Variants in SLC4A11 observed in about 807,000 individuals in gnomAD.
SLC4A11 encodes the protein bicarbonate transporter related protein 1.
SLC4A11 carries 74 observed loss-of-function variants against 95.0 expected under a neutral mutation model. That is an observed-to-expected ratio of 0.78 (90% CI 0.65 to 0.95). SLC4A11 has a LOEUF of 0.95. Ranked by LOEUF, SLC4A11 falls within the 40% of genes least tolerant of loss-of-function variation. The pLI, the probability that SLC4A11 is intolerant of heterozygous loss-of-function variation, is 0.00. For synonymous variants in SLC4A11, 548 were observed against 519.0 expected, an observed-to-expected ratio of 1.06 and a Z score of -0.76; for missense variants, 1,081 against 1,192.4, an observed-to-expected ratio of 0.91 and a Z score of 1.38.
chr20:3,239,215 CG>C, upstream of SLC4A11: 1 of 1,323,086 alleles, frequency 7.6e-7, no homozygotes, highest in South Asian at 1.9e-5. Flanking sequence ...GCGACTCGGG[CG>C]GGCCGGCGGC....
intron 2 of SLC4A11, among the ~76,000 whole-genome samples, chr20:3,235,290 C>G (rs918197986): frequency 4.7e-5 from 5 of 105,588 alleles, no homozygotes; most frequent in African/African-American, 1.6e-4. Flanking sequence ...GTCTCTCTCT[C>G]TCTCTCTCTC....
At position 3,234,936 on chromosome 20, in the gene SLC4A11, CCA is replaced by C. The variant is rs1568543477; in HGVS notation, c.89-44_89-43del. 1 of 1,612,530 alleles carries C rather than the reference CCA, an allele frequency of 6.2e-7. No individual in the cohort carries two copies. The highest frequency in any genetic ancestry group is 2.2e-5 in the East Asian group (1 of 44,864). ...GCAAGAGGGCCTGGCTGTTAAAGTG[CCA>C]CACACAGGAAGGAGGGGCTCCAAGC... On this transcript the variant is annotated intron_variant, in intron 2 of 19. Coordinates refer to ENST00000642402, the MANE Select transcript of SLC4A11 (RefSeq NM_001174089.2). This position sits in a 1 kb window ranked among gnomAD's most constrained non-coding sequence, Gnocchi z 5.8.
intron 12 of SLC4A11, 53 bp from the exon 13 acceptor site, chr20:3,230,313 G>A: frequency 6.2e-7 from 1 of 1,603,556 alleles, no homozygotes; most frequent in Non-Finnish European, 8.5e-7. Context: ...GGGGCAGGTG[G>A]GGGAGGCCTC....
chr20:3,230,644 A>G lies in SLC4A11; in HGVS notation c.1286T>C (p.Ile429Thr), dbSNP rs2067728233. ...TAPLALYIQVIRVICDDYDLD... is the reference protein window; with the variant it reads ...TAPLALYIQVTRVICDDYDLD... ...GTCATAGTCATCACAGATGACACGA[A>G]TCACTGCAGGCAGGGGGCAGGGCGG... The change falls in exon 12 of 20, where the codon ATT becomes ACT. Residue 429 changes from isoleucine to threonine, a missense_variant. Ile to Thr is a moderately conservative substitution (Grantham distance 89). Around this residue, in one of 3 missense-constraint regions of SLC4A11, gnomAD observed 767 missense variants for 858.0 expected, o/e 0.89. Transcript: ENST00000642402. The G allele has an allele frequency of 6.2e-7, 1 of 1,613,356 alleles. No individual in the cohort carries two copies.
rs748503241 is a variant in SLC4A11, at chr20:3,230,980, G to A, written c.1121C>T (p.Thr374Ile). ...LFLYFACLLP[T>I]IAFGSLNDEN... is the part of the protein sequence containing the mutation. ...GTCATTGAGAGACCCGAAAGCGATGGTGGGCAGGAGGCAGGCGAAGTAGAG... is the reference window on the plus strand; with the variant it reads ...GTCATTGAGAGACCCGAAAGCGATGATGGGCAGGAGGCAGGCGAAGTAGAG... The change falls in exon 10 of 20, where the codon ACC (threonine) becomes ATC (isoleucine). Residue 374 changes from threonine (T) to isoleucine (I), a missense_variant. Physicochemically the swap from Thr to Ile is moderately conservative, Grantham distance 89. Around this residue, in one of 3 missense-constraint regions of SLC4A11, gnomAD observed 767 missense variants for 858.0 expected, o/e 0.89. Coordinates refer to ENST00000642402, the MANE Select transcript of SLC4A11 (RefSeq NM_001174089.2). The A allele has an allele frequency of 1.1e-5, 17 of 1,613,870 alleles. No individual in the cohort carries two copies. Among genetic ancestry groups the A allele is most frequent in the African/African-American group, 4.0e-5 (3 of 74,940 alleles).
Position 3,239,107 on chromosome 20 carries a change from G to C in SLC4A11, c.31C>G (p.Leu11Val). 6.8e-7 allele frequency: 1 copy of C among 1,478,398 alleles called. No homozygotes were observed. Among genetic ancestry groups the C allele is most frequent in the Non-Finnish European group, 8.9e-7 (1 of 1,119,336 alleles). The allele number at this position is 1,478,398 out of a possible 1,614,324, so 91.6% of individuals were successfully genotyped here. Reference sequence around the variant, plus strand: ...TTCAGGCACCCACCGCACGGCTGCAGATGGAACACGCGCCTGGTGGCCGCG... The same window carrying C: ...TTCAGGCACCCACCGCACGGCTGCACATGGAACACGCGCCTGGTGGCCGCG... Reference protein sequence around the residue: MAAATRRVFHLQPCENSPTMS... With the variant: MAAATRRVFHVQPCENSPTMS... Residue 11 changes from leucine to valine, a missense_variant, in exon 1 of 20, where the codon CTG (leucine) becomes GTG (valine). Coordinates refer to ENST00000642402, the MANE Select transcript of SLC4A11 (RefSeq NM_001174089.2).
At chr20:3,235,030 G>A (rs1044778634) in intron 2 of SLC4A11, 136 bp from the exon 3 acceptor site, 12 of 1,028,440 alleles carry the variant, frequency 1.2e-5, no homozygotes, top group East Asian at 2.5e-5. Flanking sequence ...TCCCATAGGC[G>A]AGGAAGGCAG....
At chr20:3,229,885 C>A in intron 13 of SLC4A11, 109 bp from the exon 14 acceptor site, 1 of 1,492,616 alleles carries the variant, frequency 6.7e-7, no homozygotes, top group South Asian at 1.1e-5. Flanking sequence ...GGTGAGGGGA[C>A]CCTGCCGACG....
In SLC4A11 at chr20:3,231,666, G is replaced by T; in HGVS notation, c.730-118C>A. The T allele has an allele frequency of 1.1e-6, 1 of 939,214 alleles. No homozygotes were observed. The highest frequency in any genetic ancestry group is 1.7e-6 in the Non-Finnish European group (1 of 604,194). The allele number at this position is 939,214 out of a possible 1,614,324, so 58.2% of individuals were successfully genotyped here. On this transcript the variant is annotated intron_variant, in intron 7 of 19. Coordinates refer to ENST00000642402, the MANE Select transcript of SLC4A11 (RefSeq NM_001174089.2). This position sits in a 1 kb window ranked among gnomAD's most constrained non-coding sequence, Gnocchi z 5.2. ...GGTTTTTTGTCTGTTTGTTTTTTGTGTTTTTTTGAGACAGGGTCTCACTGT... is the reference window on the plus strand; with the variant it reads ...GGTTTTTTGTCTGTTTGTTTTTTGTTTTTTTTTGAGACAGGGTCTCACTGT...
chr20:3,229,212 A>C lies in SLC4A11; in HGVS notation c.1901T>G (p.Ile634Ser). 3 of 1,612,758 alleles carry C rather than the reference A, an allele frequency of 1.9e-6. No homozygotes were observed. The highest frequency in any genetic ancestry group is 2.5e-6 in the Non-Finnish European group (3 of 1,180,004). Reference sequence around the variant, plus strand: ...GACGGCCCTCAGGGACAGCGACTGGATCTGCGCCATCGCAAAGGGGCTCTC... The same window carrying C: ...GACGGCCCTCAGGGACAGCGACTGGCTCTGCGCCATCGCAAAGGGGCTCTC... ...PSESPFAMAQIQSLSLRAVSG... is the reference protein window; with the variant it reads ...PSESPFAMAQSQSLSLRAVSG... The change falls in exon 16 of 20, where the codon ATC (isoleucine) becomes AGC (serine). Residue 634 changes from isoleucine (I) to serine (S), a missense_variant. Transcript: ENST00000642402.
Position 3,227,978 on chromosome 20 carries a change from C to T in SLC4A11, c.2559-122G>A. On this transcript the variant is annotated intron_variant, in intron 19 of 19. Coordinates refer to ENST00000642402, the MANE Select transcript of SLC4A11 (RefSeq NM_001174089.2). ...AGGCCTCTCCTCCCCGCCCGCCTACCCCCAGCCCACCCACTCTCCACTCCT... is the reference window on the plus strand; with the variant it reads ...AGGCCTCTCCTCCCCGCCCGCCTACTCCCAGCCCACCCACTCTCCACTCCT... The T allele has an allele frequency of 6.9e-6, 6 of 868,462 alleles. No individual in the cohort carries two copies. In the Admixed American group the frequency reaches 1.0e-4, roughly 15 times the overall value. The allele number at this position is 868,462 out of a possible 1,614,324, so 53.8% of individuals were successfully genotyped here.
Position 3,228,870 on chromosome 20 carries a change from C to G in SLC4A11, c.2160G>C (p.Glu720Asp). Residue 720 changes from glutamate to aspartate, a missense_variant, in exon 17 of 20, where the codon GAG becomes GAC. By Grantham distance (45) the Glu-to-Asp change is conservative. This residue lies in a region of SLC4A11 where 767 missense variants were observed against 858.0 expected (regional missense o/e 0.89). Transcript: ENST00000642402. Reference sequence around the variant, plus strand: ...AGATGTGTCCGTTCTCCACACGCTCCTCCACTAAGGCCAGGGCTCGCACGT... The same window carrying G: ...AGATGTGTCCGTTCTCCACACGCTCGTCCACTAAGGCCAGGGCTCGCACGT... Reference protein sequence around the residue: ...PLHVRALALVEERVENGHIYD... With the variant: ...PLHVRALALVDERVENGHIYD... 1 of 1,613,934 alleles carries G rather than the reference C, an allele frequency of 6.2e-7. No homozygotes were observed. Among genetic ancestry groups the G allele is most frequent in the Non-Finnish European group, 8.5e-7 (1 of 1,180,036 alleles).
At chr20:3,230,673 A>T (rs749292200) in intron 11 of SLC4A11, 26 bp from the exon 12 acceptor site, 10 of 1,613,062 alleles carry the variant, frequency 6.2e-6, no homozygotes, top group Non-Finnish European at 8.5e-6. Flanking sequence ...AGGGCGGGTC[A>T]GGGCCCGGCA....
At chr20:3,228,807 G>A in intron 17 of SLC4A11, 31 bp downstream of exon 17, 2 of 1,613,532 alleles carry the variant, frequency 1.2e-6, no homozygotes, top group South Asian at 1.1e-5. Flanking sequence ...CACTCCTCAG[G>A]GTCCACGGCT....
At chr20:3,237,395 C>T (rs2068014940) in intron 2 of SLC4A11, 149 bp downstream of exon 2, 4 of 843,294 alleles carry the variant, frequency 4.7e-6, no homozygotes, top group South Asian at 2.7e-5. Flanking sequence ...TCTAGCTTCC[C>T]GAAGAGTGGA....
chr20:3,234,431 C>A lies in SLC4A11; in HGVS notation c.292-117G>T, dbSNP rs1284111797. The A allele has an allele frequency of 2.2e-5, 33 of 1,512,232 alleles. No homozygotes were observed. The highest frequency in any genetic ancestry group is 2.7e-5 in the Non-Finnish European group (30 of 1,093,106). The allele number at this position is 1,512,232 out of a possible 1,614,324, so 93.7% of individuals were successfully genotyped here. Reference sequence around the variant, plus strand: ...AGCCCCCAGCCCCCAGCCCCCAGCCCTGGGCTGGTGCGAGCTCCCTGTTGA... The same window carrying A: ...AGCCCCCAGCCCCCAGCCCCCAGCCATGGGCTGGTGCGAGCTCCCTGTTGA... On this transcript the variant is annotated intron_variant, in intron 4 of 19. Coordinates refer to ENST00000642402, the MANE Select transcript of SLC4A11 (RefSeq NM_001174089.2). This position sits in a 1 kb window ranked among gnomAD's most constrained non-coding sequence, Gnocchi z 5.8.
At position 3,234,999 on chromosome 20, in the gene SLC4A11, G is replaced by T; in HGVS notation, c.89-105C>A. 7.0e-7 allele frequency: 1 copy of T among 1,423,004 alleles called. No individual in the cohort carries two copies. Among genetic ancestry groups the T allele is most frequent in the Non-Finnish European group, 9.8e-7 (1 of 1,019,058 alleles). The allele number at this position is 1,423,004 out of a possible 1,614,324, so 88.1% of individuals were successfully genotyped here. ...GGGACCCCTGGACTGTCCCACTCTC[G>T]GGCCGTGGTGGGAGAGGCCATCCCA... On this transcript the variant is annotated intron_variant, in intron 2 of 19. Transcript: ENST00000642402. The surrounding 1 kb of genome is among the most constrained non-coding windows in gnomAD (Gnocchi z 5.8).
rs2067750423 is a variant in SLC4A11 at position 3,231,016 on chromosome 20, G to A, written c.1085C>T (p.Thr362Ile). Residue 362 changes from threonine to isoleucine, a missense_variant, in exon 10 of 20, where the codon ACC becomes ATC. This residue lies in a region of SLC4A11 where 767 missense variants were observed against 858.0 expected (regional missense o/e 0.89). Coordinates refer to ENST00000642402, the MANE Select transcript of SLC4A11 (RefSeq NM_001174089.2). The surrounding 1 kb of genome is among the most constrained non-coding windows in gnomAD (Gnocchi z 5.2). ...GCAGGCGAAGTAGAGGAACAGGGTG[G>A]TGGTGATGTATTTGCCCACAGCCTT... is the stretch of plus-strand genomic sequence containing the variant. The part of the protein sequence containing the change: ...KNKAVGKYIT[T>I]TLFLYFACLL... 1 of 1,614,050 alleles carries A rather than the reference G, an allele frequency of 6.2e-7. No homozygotes were observed. The highest frequency in any genetic ancestry group is 8.5e-7 in the Non-Finnish European group (1 of 1,180,016).
chr20:3,233,578 T>G lies in SLC4A11; in HGVS notation c.665A>C (p.Gln222Pro). Residue 222 changes from glutamine (Q) to proline (P), a missense_variant, in exon 7 of 20, where the codon CAG becomes CCG. Physicochemically the swap from Gln to Pro is moderately conservative, Grantham distance 76. Coordinates refer to ENST00000642402, the MANE Select transcript of SLC4A11 (RefSeq NM_001174089.2). ...CTCACAGGAATTCTCCCCCCAGTTC[T>G]GTGGGCGAACCAGGCGGCTGATGCA... ...HVCISRLVRP[Q>P]NWGENSCEVR... is the part of the protein sequence containing the mutation. The G allele has an allele frequency of 6.2e-7, 1 of 1,613,758 alleles. No homozygotes were observed. The highest frequency in any genetic ancestry group is 8.5e-7 in the Non-Finnish European group (1 of 1,179,998).
Sources: gnomAD v4.1 joint callset for allele counts (sites outside exome capture counted in the v4.1 genomes callset) on GRCh38, gnomAD v4.1.1 for gene constraint, gnomAD v4.1.1 regional missense constraint, Gnocchi (gnomAD v3.1) non-coding constraint, MANE v1.5 for transcripts, NCBI Gene and HGNC (gene_info 2026-07-23, HGNC 2026-07-21) for gene names.